RICTOR: variants seen among roughly 807,000 people sequenced by gnomAD.
RICTOR encodes the protein RPTOR independent companion of MTOR complex 2, also known as rapamycin-insensitive companion of mTOR.
Under a neutral mutation model 214.9 loss-of-function variants are expected in RICTOR, and 49 were observed. The observed-to-expected ratio is 0.23, with a 90% CI of 0.18 to 0.29. RICTOR has a LOEUF of 0.29. RICTOR is among the 10% of genes least tolerant of loss of function. RICTOR has a pLI of 1.00. For missense variants in RICTOR, 1,625 were observed against 2,047.0 expected, an observed-to-expected ratio of 0.79 and a Z score of 3.98; for synonymous variants, 717 against 711.3, an observed-to-expected ratio of 1.01 and a Z score of -0.13.
chr5:38,985,040 T>A (rs1752054390), intron 7 of RICTOR, among the ~76,000 whole-genome samples: 1 of 152,128 alleles, frequency 6.6e-6, no homozygotes, highest in Non-Finnish European at 1.5e-5. Context: ...CTCGATCTCT[T>A]GACCTCGTGA....
chr5:39,008,429 C>T (rs1048494897), intron 3 of RICTOR, among the ~76,000 whole-genome samples: 1 of 152,012 alleles, frequency 6.6e-6, no homozygotes, highest in African/African-American at 2.4e-5. Context: ...ATATGACTTC[C>T]TAAGGCCACA....
At chr5:38,982,161 C>T in intron 7 of RICTOR, 125 bp from the exon 8 acceptor site, 1 of 636,384 alleles carries the variant, frequency 1.6e-6, no homozygotes, top group South Asian at 2.1e-5. Context: ...TTTATAAGAA[C>T]AGGTAGATAA....
rs765593116 is a variant in RICTOR at position 38,940,440 on chromosome 5, G to A, written c.*1864C>T. ...TTTGGTCTAGTAACTCTGACATTTG[G>A]TTCTCTGGAAAGGCAGTTTAGTTAT... On this transcript the variant is annotated 3_prime_UTR_variant, in exon 38 of 38. Coordinates refer to ENST00000357387, the MANE Select transcript of RICTOR (RefSeq NM_152756.5). 9 of 232,474 alleles carry A rather than the reference G, an allele frequency of 3.9e-5. No homozygotes were observed. Among genetic ancestry groups the A allele is most frequent in the Non-Finnish European group, 6.8e-5 (8 of 117,454 alleles). 14.4% of individuals were successfully genotyped at this position (232,474 alleles called of 1,614,324 possible).
At chr5:39,007,518 C>A (rs1286510969) in intron 3 of RICTOR, among the ~76,000 whole-genome samples, 1 of 152,124 alleles carries the variant, frequency 6.6e-6, no homozygotes, top group African/African-American at 2.4e-5. Context: ...CACAATTCAG[C>A]TCACAGCATT....
intron 6 of RICTOR, among the ~76,000 whole-genome samples, chr5:38,991,707 T>C (rs565495234): frequency 3.3e-5 from 5 of 152,270 alleles, no homozygotes; most frequent in African/African-American, 1.2e-4. Context: ...GATGGAAATA[T>C]ATTGTAATAA....
intron 7 of RICTOR, among the ~76,000 whole-genome samples, chr5:38,982,530 G>A (rs1192483668): frequency 1.3e-5 from 2 of 152,106 alleles, no homozygotes; most frequent in Non-Finnish European, 2.9e-5. Flanking sequence ...TTTTAAAAGA[G>A]TTCATGAATT....
chr5:38,958,685 A>G lies in RICTOR; in HGVS notation c.2325T>C (p.Asp775=). The change falls in exon 23 of 38, where the codon GAT becomes GAC. Residue 775 remains aspartate (D), a synonymous_variant. Transcript: ENST00000357387. ...CCTTTACCTTGTCTTCACATGCTTC[A>G]TCGAGGATATCAAGAGCTTCAGAGG... ...TISSEALDIL[D]EACEDKANLH... 8 of 1,606,300 alleles carry G rather than the reference A, an allele frequency of 5.0e-6. No homozygotes were observed. The highest frequency in any genetic ancestry group is 6.8e-6 in the Non-Finnish European group (8 of 1,177,294).
At position 38,964,912 on chromosome 5, in the gene RICTOR, T is replaced by C. The variant is rs374508453; in HGVS notation, c.1300-20A>G. 1.1e-3 allele frequency: 1,622 copies of C among 1,440,228 alleles called. 2 individuals are homozygous for C. Among genetic ancestry groups the C allele is most frequent in the Middle Eastern group, 9.7e-3 (55 of 5,696 alleles). 89.2% of individuals were successfully genotyped at this position (1,440,228 alleles called of 1,614,324 possible). On this transcript the variant is annotated intron_variant, in intron 15 of 37. Coordinates refer to ENST00000357387, the MANE Select transcript of RICTOR (RefSeq NM_152756.5). The stretch of plus-strand genomic sequence containing the variant: ...GTTTGCCTAAAATGAAGCATAACAT[T>C]TTACATGAGTTTTCAGAAGTAGAAA...
intron 2 of RICTOR, among the ~76,000 whole-genome samples, chr5:39,056,840 G>T (rs1274932257): frequency 6.6e-6 from 1 of 152,068 alleles, no homozygotes; most frequent in African/African-American, 2.4e-5. Flanking sequence ...TTGGGTCAAA[G>T]AAAATATGAT....
chr5:39,055,334 T>A (rs1331659435), intron 2 of RICTOR, among the ~76,000 whole-genome samples: 1 of 152,016 alleles, frequency 6.6e-6, no homozygotes, highest in East Asian at 1.9e-4. Flanking sequence ...TTTTTCCTTC[T>A]ACTTGAAGAC....
chr5:38,963,857 A>G (rs1366249875), intron 16 of RICTOR, among the ~76,000 whole-genome samples: 1 of 151,962 alleles, frequency 6.6e-6, no homozygotes, highest in Non-Finnish European at 1.5e-5. Flanking sequence ...GCTAAAAGCT[A>G]CTATTACTGA....
chr5:39,055,964 A>C (rs554354999), intron 2 of RICTOR, among the ~76,000 whole-genome samples: 1 of 152,340 alleles, frequency 6.6e-6, no homozygotes, highest in South Asian at 2.1e-4. Context: ...GAATAAGGAC[A>C]AGGAACGAGG....
At position 38,954,762 on chromosome 5, in the gene RICTOR, T is replaced by A. The variant is rs112762365; in HGVS notation, c.2697+12A>T. Reference sequence around the variant, plus strand: ...ATTGTAGCTACTTAAAATAAGTGAATTATGTTTTTACCTGTACTTCCAACA... The same window carrying A: ...ATTGTAGCTACTTAAAATAAGTGAAATATGTTTTTACCTGTACTTCCAACA... On this transcript the variant is annotated intron_variant, in intron 27 of 37. Coordinates refer to ENST00000357387, the MANE Select transcript of RICTOR (RefSeq NM_152756.5). 938 of 1,470,786 alleles carry A rather than the reference T, an allele frequency of 6.4e-4. 3 individuals carry two copies. In the African/African-American group the frequency reaches 7.5e-3, roughly 12 times the overall value. 91.1% of individuals were successfully genotyped at this position (1,470,786 alleles called of 1,614,324 possible). A position where few individuals can be genotyped will look rare whatever the true frequency, so the allele number is the denominator to read the frequency against.
intron 2 of RICTOR, among the ~76,000 whole-genome samples, chr5:39,026,113 T>A (rs1452660092): frequency 6.6e-6 from 1 of 152,206 alleles, no homozygotes; most frequent in Admixed American, 6.5e-5. Flanking sequence ...ACGTGAAAAG[T>A]ATCAGGTCAG....
rs1377890611 is a variant in RICTOR at position 38,940,577 on chromosome 5, ATT to A, written c.*1725_*1726del. ...AAAAAAATTATTTATCTTCAACTGG[ATT>A]TTATGAGAGAAAATCTGAAGAACCA... On this transcript the variant is annotated 3_prime_UTR_variant, in exon 38 of 38. Transcript: ENST00000357387. 2 of 232,460 alleles carry A rather than the reference ATT, an allele frequency of 8.6e-6. No individual in the cohort carries two copies. The highest frequency in any genetic ancestry group is 1.7e-5 in the Non-Finnish European group (2 of 117,478). 14.4% of individuals were successfully genotyped at this position (232,460 alleles called of 1,614,324 possible). A position where few individuals can be genotyped will look rare whatever the true frequency, so the allele number is the denominator to read the frequency against.
intron 25 of RICTOR, among the ~76,000 whole-genome samples, chr5:38,956,937 TA>T (rs1450057322): frequency 1.3e-5 from 2 of 152,036 alleles, no homozygotes; most frequent in Non-Finnish European, 2.9e-5. Flanking sequence ...ATAGACACTA[TA>T]AAAGAATGTG....
rs975521152 is a variant in RICTOR, at chr5:38,950,495, C to A, written c.3353G>T (p.Gly1118Val). 1.2e-6 allele frequency: 2 copies of A among 1,613,414 alleles called. No individual in the cohort carries two copies. The highest frequency in any genetic ancestry group is 4.5e-5 in the East Asian group (2 of 44,862). Residue 1118 changes from glycine to valine, a missense_variant, in exon 31 of 38, where the codon GGG becomes GTG. Coordinates refer to ENST00000357387, the MANE Select transcript of RICTOR (RefSeq NM_152756.5). ...TGTCTTACTTTCAGATGATAATTTC[C>A]CTCCTTTTGGATCACTGCTACTACG... The part of the protein sequence containing the change: ...KHRSSSDPKG[G>V]KLSSESKTSN...
At chr5:39,059,988 T>C (rs115211613) in intron 2 of RICTOR, among the ~76,000 whole-genome samples, 1 of 152,092 alleles carries the variant, frequency 6.6e-6, no homozygotes, top group African/African-American at 2.4e-5. Context: ...AATCTAGATC[T>C]GTCTGGGTAC....
intron 2 of RICTOR, among the ~76,000 whole-genome samples, chr5:39,046,817 AT>A (rs373114479): frequency 1.2e-4 from 18 of 152,322 alleles, no homozygotes; most frequent in African/African-American, 4.3e-4. Context: ...GGGAAAAAAA[AT>A]GTTTTAAATG....
Sources: gnomAD v4.1 joint callset for allele counts (sites outside exome capture counted in the v4.1 genomes callset) on GRCh38, gnomAD v4.1.1 for gene constraint, MANE v1.5 for transcripts, NCBI Gene and HGNC (gene_info 2026-07-23, HGNC 2026-07-21) for gene names.